GLI3: variants seen among roughly 807,000 people sequenced by gnomAD.
GLI3 encodes transcription activator GLI3.
In GLI3, 20 loss-of-function variants were observed where a neutral mutation model predicts 100.8. That is an observed-to-expected ratio of 0.20 (90% CI 0.14 to 0.29). The LOEUF (loss-of-function observed/expected upper bound fraction) is 0.29. Among genes scored for constraint, GLI3 ranks in the 10% least tolerant of loss-of-function variants. GLI3 has a pLI of 1.00. For missense variants in GLI3, 2,040 were observed against 2,128.5 expected (o/e 0.96, Z 0.82); for synonymous variants, 938 against 860.5 (o/e 1.09, Z -1.58).
chr7:42,064,096 G>A (rs866708471), intron 4 of GLI3, among the ~76,000 whole-genome samples: 2 of 152,156 alleles, frequency 1.3e-5, no homozygotes, highest in Non-Finnish European at 2.9e-5. Context: ...GTCACTTGCA[G>A]AGTATAAAGA....
chr7:42,093,807 T>C (rs1458051538), intron 3 of GLI3, among the ~76,000 whole-genome samples: 1 of 151,994 alleles, frequency 6.6e-6, no homozygotes, highest in Non-Finnish European at 1.5e-5. Context: ...TATGGGAGCT[T>C]TCAGAAAAAT....
At chr7:42,001,291 C>G (rs528796817) in intron 10 of GLI3, among the ~76,000 whole-genome samples, 1 of 150,210 alleles carries the variant, frequency 6.7e-6, no homozygotes, top group East Asian at 2.0e-4. Flanking sequence ...ACAGAAGTAT[C>G]CTCCCAAAGA....
chr7:42,133,451 C>T lies in GLI3; in HGVS notation c.367+14775G>A, dbSNP rs1240092925. 2.6e-5 allele frequency among the ~76,000 whole-genome samples: 4 copies of T among 152,226 alleles called. No homozygotes were observed. In the South Asian group the frequency reaches 6.2e-4, roughly 24 times the overall value. ...TCTCAACCAGTCAGACTCCAGGCCT[C>T]ACTCCTAATTGCACCGAGTTCCCTC... is the stretch of plus-strand genomic sequence containing the variant. On this transcript the variant is annotated intron_variant, in intron 3 of 14. Coordinates refer to ENST00000395925, the MANE Select transcript of GLI3 (RefSeq NM_000168.6).
At chr7:42,180,188 G>A (rs910600988) in intron 2 of GLI3, among the ~76,000 whole-genome samples, 4 of 152,136 alleles carry the variant, frequency 2.6e-5, no homozygotes, top group Non-Finnish European at 5.9e-5. Context: ...CTATCATGCA[G>A]AGACTGTGCC....
At chr7:41,971,222 C>T (rs770187648) in intron 13 of GLI3, among the ~76,000 whole-genome samples, 2 of 152,190 alleles carry the variant, frequency 1.3e-5, no homozygotes, top group African/African-American at 2.4e-5. Flanking sequence ...GCTCTCCATC[C>T]GATAGACTGC....
At chr7:42,182,586 A>T (rs941888678) in intron 2 of GLI3, among the ~76,000 whole-genome samples, 3 of 148,020 alleles carry the variant, frequency 2.0e-5, no homozygotes, top group African/African-American at 7.5e-5. Flanking sequence ...TCAATGGAAG[A>T]CAAGGCCTCA....
Position 41,966,975 on chromosome 7 carries a change from G to A in GLI3, c.2432-334C>T, listed in dbSNP as rs1292281638. Among the ~76,000 whole-genome samples, 1 of 152,194 alleles carries A rather than the reference G, an allele frequency of 6.6e-6. No individual in the cohort carries two copies. The highest frequency in any genetic ancestry group is 1.5e-5 in the Non-Finnish European group (1 of 68,028). ...GATTCACTGAAGCCCCTCCCCAAGC[G>A]CTGTGCAAGGACAAAAAGAATCTTG... On this transcript the variant is annotated intron_variant, in intron 14 of 14. Coordinates refer to ENST00000395925, the MANE Select transcript of GLI3 (RefSeq NM_000168.6). The surrounding 1 kb of genome is among the most constrained non-coding windows in gnomAD (Gnocchi z 5.8).
chr7:41,970,368 C>T (rs1262457771), intron 13 of GLI3, among the ~76,000 whole-genome samples: 1 of 152,072 alleles, frequency 6.6e-6, no homozygotes, highest in Admixed American at 6.6e-5. Flanking sequence ...TGTGTGTGAG[C>T]ATATACACAC....
intron 3 of GLI3, among the ~76,000 whole-genome samples, chr7:42,112,065 G>A (rs932395454): frequency 3.3e-5 from 5 of 152,204 alleles, no homozygotes; most frequent in Non-Finnish European, 5.9e-5. Flanking sequence ...AGATGCTGAA[G>A]ACTCCCACAA....
intron 2 of GLI3, among the ~76,000 whole-genome samples, chr7:42,184,340 T>A (rs1007784112): frequency 6.6e-6 from 1 of 152,210 alleles, no homozygotes; most frequent in African/African-American, 2.4e-5. Context: ...CAGATCTCCC[T>A]GTGGCTGCAC....
chr7:42,143,883 C>T (rs1583595276), intron 3 of GLI3, among the ~76,000 whole-genome samples: 2 of 152,250 alleles, frequency 1.3e-5, no homozygotes, highest in African/African-American at 4.8e-5. Flanking sequence ...GTAAAGGAGA[C>T]CTGAAATTTT....
At chr7:42,220,136 GC>G (rs1788457619) in intron 2 of GLI3, among the ~76,000 whole-genome samples, 1 of 152,124 alleles carries the variant, frequency 6.6e-6, no homozygotes, top group Admixed American at 6.5e-5. Context: ...ACAGGTGTGA[GC>G]CACCGGGCCT....
chr7:42,110,687 C>A (rs1446146740), intron 3 of GLI3, among the ~76,000 whole-genome samples: 1 of 152,162 alleles, frequency 6.6e-6, no homozygotes, highest in Non-Finnish European at 1.5e-5. Flanking sequence ...AAGTTATTTC[C>A]AAAATATTAT....
chr7:42,065,663 T>C (rs1293759573), intron 4 of GLI3, among the ~76,000 whole-genome samples: 1 of 152,168 alleles, frequency 6.6e-6, no homozygotes, highest in East Asian at 1.9e-4. Flanking sequence ...CATAAGGCAA[T>C]CCATTTTATG....
At chr7:42,179,992 C>T (rs72588292) in intron 2 of GLI3, among the ~76,000 whole-genome samples, 15,424 of 152,124 alleles carry the variant, frequency 0.1, 904 homozygotes, top group South Asian at 0.21. Context: ...TGAATTTGGA[C>T]GTTATAAGCA....
chr7:41,988,482 G>A (rs1453489278), intron 10 of GLI3, among the ~76,000 whole-genome samples: 2 of 124,010 alleles, frequency 1.6e-5, no homozygotes, highest in Admixed American at 8.7e-5. Context: ...AAAGGGGGGG[G>A]GGGTGGGGCC....
chr7:42,087,799 T>A (rs1405254460), intron 3 of GLI3, among the ~76,000 whole-genome samples: 1 of 151,930 alleles, frequency 6.6e-6, no homozygotes, highest in South Asian at 2.1e-4. Context: ...TCCATTGAAA[T>A]TCCAGCATGT....
chr7:42,217,287 C>A (rs1005962512), intron 2 of GLI3, among the ~76,000 whole-genome samples: 1 of 152,134 alleles, frequency 6.6e-6, no homozygotes, highest in Non-Finnish European at 1.5e-5. Flanking sequence ...TCAAGCCTGG[C>A]TGACCACAGG....
At chr7:42,217,625 A>G (rs905140105) in intron 2 of GLI3, among the ~76,000 whole-genome samples, 3 of 152,208 alleles carry the variant, frequency 2.0e-5, no homozygotes, top group African/African-American at 7.2e-5. Flanking sequence ...CTATTTTCCG[A>G]TTTAAGAAGG....
Sources: gnomAD v4.1 joint callset for allele counts (sites outside exome capture counted in the v4.1 genomes callset) on GRCh38, gnomAD v4.1.1 for gene constraint, Gnocchi (gnomAD v3.1) non-coding constraint, MANE v1.5 for transcripts, NCBI Gene and HGNC (gene_info 2026-07-23, HGNC 2026-07-21) for gene names.